Variants in ROPN1L observed in about 807,000 individuals in gnomAD.
ROPN1L encodes the protein ropporin-1-like protein.
ROPN1L carries 23 observed loss-of-function variants against 22.7 expected under a neutral mutation model. That is an observed-to-expected ratio of 1.01 (90% CI 0.73 to 1.43). The LOEUF (loss-of-function observed/expected upper bound fraction) is 1.43. Among genes scored for constraint, ROPN1L ranks in the 40% most tolerant of loss-of-function variants. ROPN1L has a pLI of 0.00. For synonymous variants in ROPN1L, 116 were observed against 117.8 expected (o/e 0.98, Z 0.10); for missense variants, 271 against 291.5 (o/e 0.93, Z 0.51).
At chr5:10,455,668 G>A (rs2126450798) in intron 3 of ROPN1L, among the ~76,000 whole-genome samples, 1 of 152,346 alleles carries the variant, frequency 6.6e-6, no homozygotes, top group African/African-American at 2.4e-5. Flanking sequence ...CCCATTCAGG[G>A]CCTCCTACCC....
At chr5:10,477,205 G>A in the ROPN1L span, among the ~76,000 whole-genome samples, 1 of 152,064 alleles carries the variant, frequency 6.6e-6, no homozygotes, top group Non-Finnish European at 1.5e-5. Context: ...TTTACCTTGT[G>A]GGCCATTGTT....
downstream of ROPN1L, among the ~76,000 whole-genome samples, chr5:10,474,160 G>GAAA (rs35607791): frequency 8.5e-6 from 1 of 117,172 alleles, no homozygotes. Context: ...TCAAAAAAAG[G>GAAA]AAAAAAAAAA....
At chr5:10,465,156 A>G, downstream of ROPN1L, 1 of 362,028 alleles carries the variant, frequency 2.8e-6, no homozygotes, top group Non-Finnish European at 5.0e-6. Flanking sequence ...CAGTAAAATG[A>G]TCTCTTTTAA....
At chr5:10,456,741 T>C (rs1337359202) in intron 3 of ROPN1L, among the ~76,000 whole-genome samples, 1 of 152,182 alleles carries the variant, frequency 6.6e-6, no homozygotes, top group African/African-American at 2.4e-5. Context: ...GATATAAAAA[T>C]TGCTGCAGAT....
intron 3 of ROPN1L, among the ~76,000 whole-genome samples, chr5:10,456,163 T>C (rs778281023): frequency 6.6e-6 from 1 of 152,166 alleles, no homozygotes; most frequent in Non-Finnish European, 1.5e-5. Context: ...GAATTTCAGA[T>C]TATGGATCAG....
chr5:10,447,823 G>A (rs1018773202), intron 1 of ROPN1L, among the ~76,000 whole-genome samples: 2 of 152,184 alleles, frequency 1.3e-5, no homozygotes, highest in African/African-American at 4.8e-5. Flanking sequence ...TGAGGCTACA[G>A]TGAGCCATGA....
Position 10,450,094 on chromosome 5 carries a change from G to C in ROPN1L, c.398G>C (p.Gly133Ala), listed in dbSNP as rs1441785532. The change falls in exon 3 of 5, where the codon GGA becomes GCA. Residue 133 changes from glycine to alanine, a missense_variant. Gly to Ala is a moderately conservative substitution (Grantham distance 60). Transcript: ENST00000274134. ...KIKWINFLAL[G>A]CSMLGGSLNT... ...AAGTGGATAAACTTTTTAGCGCTTG[G>C]ATGCAGCATGCTTGGTGGGGTATGT... is the stretch of plus-strand genomic sequence containing the variant. The C allele has an allele frequency of 1.2e-6, 2 of 1,613,504 alleles. No homozygotes were observed. The highest frequency in any genetic ancestry group is 1.7e-6 in the Non-Finnish European group (2 of 1,179,820).
the ROPN1L span, among the ~76,000 whole-genome samples, chr5:10,481,135 C>T: frequency 7.2e-5 from 11 of 152,158 alleles, no homozygotes; most frequent in South Asian, 2.1e-4. Flanking sequence ...ACGAGACTCC[C>T]GGGGCAGAGA....
rs1392042947 is a variant in ROPN1L at position 10,442,213 on chromosome 5, C to G, written c.46C>G (p.Pro16Ala). 1.2e-6 allele frequency: 2 copies of G among 1,613,784 alleles called. No individual in the cohort carries two copies. Among genetic ancestry groups the G allele is most frequent in the East Asian group, 2.2e-5 (1 of 44,874 alleles). ...GTTCTGCGCTCAGCAGATCCACATT[C>G]CCCCGGAGCTGCCGGACATCCTGAA... is the stretch of plus-strand genomic sequence containing the variant. Reference protein sequence around the residue: ...TMFCAQQIHIPPELPDILKQF... With the variant: ...TMFCAQQIHIAPELPDILKQF... The change falls in exon 1 of 5, where the codon CCC becomes GCC. Residue 16 changes from proline (P) to alanine (A), a missense_variant. Coordinates refer to ENST00000274134, the MANE Select transcript of ROPN1L (RefSeq NM_031916.5).
intron 4 of ROPN1L, among the ~76,000 whole-genome samples, chr5:10,463,734 C>T (rs1484290457): frequency 6.6e-6 from 1 of 152,162 alleles, no homozygotes; most frequent in Non-Finnish European, 1.5e-5. Context: ...ACGCCCTGAC[C>T]CCTGGAGTTT....
intron 3 of ROPN1L, among the ~76,000 whole-genome samples, chr5:10,452,282 A>T (rs954703097): frequency 6.8e-6 from 1 of 146,722 alleles, no homozygotes; most frequent in African/African-American, 2.6e-5. Flanking sequence ...CCCAGCCTAA[A>T]GTATATGTGT....
chr5:10,468,755 G>T (rs1735197200), downstream of ROPN1L, among the ~76,000 whole-genome samples: 2 of 152,176 alleles, frequency 1.3e-5, no homozygotes, highest in South Asian at 4.1e-4. Flanking sequence ...GATTGATAGG[G>T]GCTCCAGTAC....
chr5:10,461,407 A>G, intron 4 of ROPN1L, 48 bp downstream of exon 4: 1 of 1,536,268 alleles, frequency 6.5e-7, no homozygotes, highest in African/African-American at 1.4e-5. Flanking sequence ...CCATGGGAGA[A>G]TTTCCTGTTT....
intron 4 of ROPN1L, among the ~76,000 whole-genome samples, chr5:10,471,195 T>C (rs1735239551): frequency 6.6e-6 from 1 of 152,190 alleles, no homozygotes; most frequent in Non-Finnish European, 1.5e-5. Flanking sequence ...TGGAGTGCAG[T>C]AGTGTGATTT....
chr5:10,455,260 T>C (rs574880914), intron 3 of ROPN1L, among the ~76,000 whole-genome samples: 27 of 152,232 alleles, frequency 1.8e-4, no homozygotes, highest in Non-Finnish European at 3.4e-4. Flanking sequence ...TCCTCGCTGC[T>C]GTTTCCTTCC....
chr5:10,460,065 C>T (rs979722950), intron 3 of ROPN1L, among the ~76,000 whole-genome samples: 4 of 152,194 alleles, frequency 2.6e-5, no homozygotes, highest in Middle Eastern at 3.4e-3. Context: ...AGAAGGGACT[C>T]GAGGTGGGGA....
chr5:10,476,122 T>C (rs1269403171), downstream of ROPN1L, among the ~76,000 whole-genome samples: 3 of 152,346 alleles, frequency 2.0e-5, no homozygotes, highest in South Asian at 2.1e-4. Flanking sequence ...CGTGACCACA[T>C]TGAATTGCAC....
downstream of ROPN1L, among the ~76,000 whole-genome samples, chr5:10,469,490 A>G (rs1313882306): frequency 6.6e-6 from 1 of 152,190 alleles, no homozygotes; most frequent in Non-Finnish European, 1.5e-5. Context: ...CCGTCTCAAA[A>G]AAAGAAAAAA....
At chr5:10,451,928 A>AATCTATCT (rs70947207) in intron 3 of ROPN1L, among the ~76,000 whole-genome samples, 24,062 of 150,444 alleles carry the variant, frequency 0.16, 2,046 homozygotes, top group African/African-American at 0.19. Flanking sequence ...AACTCTGTGA[A>AATCTATCT]ATCTATCTAT....
Sources: gnomAD v4.1 joint callset for allele counts (sites outside exome capture counted in the v4.1 genomes callset) on GRCh38, gnomAD v4.1.1 for gene constraint, MANE v1.5 for transcripts, NCBI Gene and HGNC (gene_info 2026-07-23, HGNC 2026-07-21) for gene names.